Variants in CERS3 observed in about 807,000 individuals in gnomAD.
CERS3 encodes the protein LAG1 homolog, ceramide synthase 3.
A neutral mutation model predicts 50.3 loss-of-function variants in CERS3; 33 were observed. That is an observed-to-expected ratio of 0.66 (90% CI 0.50 to 0.88). The LOEUF (loss-of-function observed/expected upper bound fraction) is 0.88, where lower values mean the gene tolerates loss of function less well. Ranked by LOEUF, CERS3 falls within the 40% of genes least tolerant of loss-of-function variation. The pLI is 0.00. For synonymous variants in CERS3, 176 were observed against 155.2 expected (o/e 1.13, Z -0.99); for missense variants, 470 against 460.3 (o/e 1.02, Z -0.19).
At chr15:100,405,188 A>G (rs927262273) in intron 11 of CERS3, among the ~76,000 whole-genome samples, 4 of 151,598 alleles carry the variant, frequency 2.6e-5, no homozygotes, top group Admixed American at 1.3e-4. Flanking sequence ...TGCAAATCAC[A>G]TATCCAATTT....
chr15:100,481,226 GTGC>G (rs2035289770), intron 5 of CERS3, among the ~76,000 whole-genome samples: 3 of 152,184 alleles, frequency 2.0e-5, no homozygotes, highest in Non-Finnish European at 2.9e-5. Flanking sequence ...GCACCTTGAA[GTGC>G]AGCTCTTTGG....
chr15:100,502,556 G>A (rs746744388), intron 2 of CERS3, among the ~76,000 whole-genome samples: 3 of 152,154 alleles, frequency 2.0e-5, no homozygotes, highest in Non-Finnish European at 4.4e-5. Flanking sequence ...CTCCAGGTAG[G>A]TACAAATCAT....
intron 10 of CERS3, among the ~76,000 whole-genome samples, chr15:100,461,420 C>A (rs973224847): frequency 3.3e-5 from 5 of 152,200 alleles, no homozygotes; most frequent in Non-Finnish European, 5.9e-5. Context: ...GCGCTGGAGT[C>A]TTCAAGATTT....
chr15:100,404,404 T>C (rs1264657040), intron 11 of CERS3, among the ~76,000 whole-genome samples: 1 of 152,160 alleles, frequency 6.6e-6, no homozygotes, highest in Non-Finnish European at 1.5e-5. Context: ...TAACAAACCA[T>C]GTATAGGATC....
rs1041581016 is a variant in CERS3, at chr15:100,528,836, A to G, written c.-115T>C. 3 of 152,174 alleles carry G rather than the reference A, an allele frequency of 2.0e-5. No individual in the cohort carries two copies. Among genetic ancestry groups the G allele is most frequent in the African/African-American group, 4.8e-5 (2 of 41,404 alleles). 9.4% of individuals were successfully genotyped at this position (152,174 alleles called of 1,614,324 possible). A position where few individuals can be genotyped will look rare whatever the true frequency, so the allele number is the denominator to read the frequency against. ...ACCTTTCTGAAATGTCAGTCCACAA[A>G]AGGTGCCCCTTGCTTGTGAAGTGTA... is the stretch of plus-strand genomic sequence containing the variant. On this transcript the variant is annotated 5_prime_UTR_variant, in exon 1 of 12. Transcript: ENST00000679737.
chr15:100,535,424 A>C (rs1261009052), intron 1 of CERS3, among the ~76,000 whole-genome samples: 1 of 152,254 alleles, frequency 6.6e-6, no homozygotes, highest in Non-Finnish European at 1.5e-5. Flanking sequence ...GATGTCAAGA[A>C]TAAAAATATA....
chr15:100,441,381 A>T (rs2033676020), intron 11 of CERS3, among the ~76,000 whole-genome samples: 1 of 150,320 alleles, frequency 6.7e-6, no homozygotes, highest in Non-Finnish European at 1.5e-5. Context: ...CCAATCCCTT[A>T]TTTCTGCACC....
intron 4 of CERS3, among the ~76,000 whole-genome samples, chr15:100,485,614 G>A (rs948165813): frequency 4.6e-5 from 7 of 152,074 alleles, no homozygotes; most frequent in Admixed American, 6.5e-5. Context: ...GGTGGTTCAC[G>A]CCTGTAATCC....
chr15:100,517,088 C>T (rs192453595), intron 2 of CERS3, among the ~76,000 whole-genome samples: 2 of 152,316 alleles, frequency 1.3e-5, no homozygotes, highest in East Asian at 3.9e-4. Context: ...AGTCAGGAAG[C>T]CCAGTTTGAA....
chr15:100,496,401 T>C (rs760287306), intron 3 of CERS3, among the ~76,000 whole-genome samples: 3 of 152,122 alleles, frequency 2.0e-5, no homozygotes, highest in African/African-American at 4.8e-5. Context: ...TTAAAAGCAT[T>C]AAGCTTAATG....
chr15:100,462,769 A>C (rs542165390), intron 10 of CERS3, among the ~76,000 whole-genome samples: 1 of 152,364 alleles, frequency 6.6e-6, no homozygotes, highest in South Asian at 2.1e-4. Context: ...AAGAAGAGGT[A>C]AGCAACTGTT....
intron 11 of CERS3, among the ~76,000 whole-genome samples, chr15:100,432,061 G>A (rs1477806439): frequency 4.9e-5 from 4 of 80,856 alleles, no homozygotes; most frequent in South Asian, 1.1e-3. Flanking sequence ...CCTTTAATAG[G>A]CCCTCTTTTG....
chr15:100,474,413 CT>C (rs146346575), intron 8 of CERS3, among the ~76,000 whole-genome samples: 10 of 148,544 alleles, frequency 6.7e-5, no homozygotes, highest in African/African-American at 1.5e-4. Context: ...TCTTTTTTTT[CT>C]TTTTTTTTTG....
intron 2 of CERS3, among the ~76,000 whole-genome samples, chr15:100,506,471 C>CCGT (rs1555533168): frequency 3.0e-3 from 6 of 1,988 alleles, no homozygotes; most frequent in Non-Finnish European, 5.9e-3. Flanking sequence ...ACCCCCCCGC[C>CCGT]GCCCCACACA....
At chr15:100,542,781 ATATATG>A (rs1337314475) in intron 1 of CERS3, among the ~76,000 whole-genome samples, 10 of 151,418 alleles carry the variant, frequency 6.6e-5, no homozygotes, top group Non-Finnish European at 8.8e-5. Context: ...CCCTACAAAT[ATATATG>A]TATATGTATG....
At chr15:100,519,271 T>C (rs1208682803) in intron 2 of CERS3, among the ~76,000 whole-genome samples, 3 of 152,100 alleles carry the variant, frequency 2.0e-5, no homozygotes, top group Non-Finnish European at 4.4e-5. Context: ...TGAGGTGGAC[T>C]TGGAGTTGAA....
intron 11 of CERS3, among the ~76,000 whole-genome samples, chr15:100,404,980 A>G (rs1469304593): frequency 2.0e-5 from 3 of 152,230 alleles, no homozygotes; most frequent in Non-Finnish European, 2.9e-5. Context: ...TAATGGATCT[A>G]AATGTAAAAT....
rs74041452 is a variant in CERS3, at chr15:100,469,367, G to C, written c.845+11C>G. On this transcript the variant is annotated intron_variant, in intron 10 of 11. Coordinates refer to ENST00000679737, the MANE Select transcript of CERS3 (RefSeq NM_001378789.1). ...CTGACCAAAGGCAGGGCACATCACC[G>C]GTCTACTCACCAGAAAGGAAAAACA... 2,876 of 1,604,332 alleles carry C rather than the reference G, an allele frequency of 1.8e-3. 49 individuals carry two copies. In the African/African-American group the frequency reaches 0.033, roughly 18 times the overall value.
At chr15:100,542,385 C>T (rs1366720494) in intron 1 of CERS3, among the ~76,000 whole-genome samples, 2 of 152,168 alleles carry the variant, frequency 1.3e-5, no homozygotes, top group Non-Finnish European at 2.9e-5. Context: ...ATAAATCATG[C>T]GTATTTTCAT....
Sources: allele counts gnomAD v4.1 joint callset (sites outside exome capture counted in the v4.1 genomes callset), GRCh38; gene constraint gnomAD v4.1.1; transcripts MANE v1.5; gene names NCBI Gene and HGNC (gene_info 2026-07-23, HGNC 2026-07-21).